The following FANCB variants were observed in gnomAD, a reference collection of about 807,000 sequenced individuals.
The protein encoded by FANCB is Fanconi anemia group B protein.
FANCB carries 5 observed loss-of-function variants against 38.9 expected under a neutral mutation model. That is an observed-to-expected ratio of 0.13 (90% CI 0.07 to 0.27). The LOEUF is 0.27. Ranked by LOEUF, FANCB falls within the 10% of genes least tolerant of loss-of-function variation. FANCB has a pLI of 1.00. For missense variants in FANCB, 573 were observed against 602.7 expected, an observed-to-expected ratio of 0.95 and a Z score of 0.52; for synonymous variants, 236 against 215.4, an observed-to-expected ratio of 1.10 and a Z score of -0.84.
the FANCB span, among the ~76,000 whole-genome samples, chrX:14,819,855 G>T: frequency 2.7e-5 from 3 of 111,380 alleles, no homozygotes; most frequent in Non-Finnish European, 5.7e-5. Flanking sequence ...TACCCGGATT[G>T]TTGCAGTAGC....
chrX:14,801,696 T>G, the FANCB span, among the ~76,000 whole-genome samples: 2 of 110,969 alleles, frequency 1.8e-5, no homozygotes, highest in Non-Finnish European at 3.8e-5. Context: ...GATCGTGTTT[T>G]TCAAAGTTTG....
the FANCB span, among the ~76,000 whole-genome samples, chrX:14,751,489 G>A: frequency 8.9e-6 from 1 of 112,321 alleles, no homozygotes; most frequent in Non-Finnish European, 1.9e-5. Context: ...GGGAGATATT[G>A]CAAGGGAATA....
chrX:14,806,411 C>T, the FANCB span, among the ~76,000 whole-genome samples: 1 of 111,894 alleles, frequency 8.9e-6, no homozygotes, highest in Admixed American at 9.5e-5. Context: ...AAAATCTGTT[C>T]CAATGGCACT....
At chrX:14,786,893 T>A in the FANCB span, among the ~76,000 whole-genome samples, 3 of 111,737 alleles carry the variant, frequency 2.7e-5, no homozygotes, top group Non-Finnish European at 5.6e-5. Context: ...TAATAATATA[T>A]TTCATAGACC....
chrX:14,856,100 C>T (rs2092422096), intron 5 of FANCB, among the ~76,000 whole-genome samples: 1 of 112,048 alleles, frequency 8.9e-6, no homozygotes, highest in African/African-American at 3.2e-5. Context: ...AAAATATACA[C>T]TATTCTTTTT....
At chrX:14,735,592 T>C in the FANCB span, among the ~76,000 whole-genome samples, 1 of 112,078 alleles carries the variant, frequency 8.9e-6, no homozygotes, top group Non-Finnish European at 1.9e-5. Context: ...CTGCTGCCTG[T>C]TCCTTCCTCT....
chrX:14,798,191 C>G, the FANCB span, among the ~76,000 whole-genome samples: 1 of 107,750 alleles, frequency 9.3e-6, no homozygotes, highest in Non-Finnish European at 1.9e-5. Flanking sequence ...CTCTGTTGCT[C>G]AGGCTGGAAT....
At chrX:14,820,189 A>G in the FANCB span, among the ~76,000 whole-genome samples, 2 of 109,226 alleles carry the variant, frequency 1.8e-5, no homozygotes, top group Admixed American at 9.8e-5. Context: ...CTCTTTCTCT[A>G]TCTCCATCCC....
chrX:14,844,568 G>A lies in FANCB; in HGVS notation c.2100C>T (p.Phe700=), dbSNP rs769508299. The change falls in exon 9 of 10, where the codon TTC becomes TTT. Residue 700 remains phenylalanine (F), a synonymous_variant. Transcript: ENST00000650831. The part of the protein sequence containing the change: ...EVYFCERPGS[F]YGTLFTWKQR... ...GTTTCCAAGTGAAGAGTGTCCCATA[G>A]AAACTTCCCGGTCTTTCACAAAAGT... The A allele has an allele frequency of 4.1e-6, 5 of 1,209,739 alleles. No individual in the cohort carries two copies. The South Asian group carries it at 7.0e-5, about 17-fold the overall frequency.
the FANCB span, among the ~76,000 whole-genome samples, chrX:14,803,469 A>G: frequency 5.3e-5 from 6 of 112,766 alleles, no homozygotes; most frequent in African/African-American, 1.9e-4. Context: ...AGCAAATGCT[A>G]TTGCAGAATA....
At chrX:14,797,374 T>C in the FANCB span, among the ~76,000 whole-genome samples, 1 of 112,040 alleles carries the variant, frequency 8.9e-6, no homozygotes, top group Non-Finnish European at 1.9e-5. Context: ...GTCACTACCA[T>C]ATTCTCATGT....
the FANCB span, among the ~76,000 whole-genome samples, chrX:14,805,606 G>C: frequency 9.0e-6 from 1 of 111,607 alleles, no homozygotes; most frequent in African/African-American, 3.3e-5. Flanking sequence ...AACCCATTAG[G>C]GATGACCCAG....
At chrX:14,800,421 C>T in the FANCB span, among the ~76,000 whole-genome samples, 15 of 111,403 alleles carry the variant, frequency 1.3e-4, no homozygotes, top group African/African-American at 4.6e-4. Context: ...TGCCAGCAAC[C>T]GCCACAAGTT....
At chrX:14,841,526 C>T (rs1235692090), downstream of FANCB, among the ~76,000 whole-genome samples, 2 of 111,786 alleles carry the variant, frequency 1.8e-5, no homozygotes, top group Non-Finnish European at 3.8e-5. Context: ...AGGAGAGTCA[C>T]TTGTGTACTA....
At chrX:14,854,674 T>C (rs2092416216) in intron 5 of FANCB, among the ~76,000 whole-genome samples, 1 of 111,633 alleles carries the variant, frequency 9.0e-6, no homozygotes, top group Non-Finnish European at 1.9e-5. Context: ...TGTTCATTAT[T>C]GTGATCTCTA....
chrX:14,812,137 C>T, the FANCB span, among the ~76,000 whole-genome samples: 7 of 109,990 alleles, frequency 6.4e-5, no homozygotes, highest in Non-Finnish European at 1.3e-4. Context: ...ACACAACATA[C>T]CAGAATCTCT....
the FANCB span, among the ~76,000 whole-genome samples, chrX:14,754,853 A>T: frequency 9.0e-6 from 1 of 111,598 alleles, no homozygotes; most frequent in Non-Finnish European, 1.9e-5. Flanking sequence ...TGAAACCAGC[A>T]TTACCCTGTT....
chrX:14,741,033 T>G, the FANCB span, among the ~76,000 whole-genome samples: 1 of 111,409 alleles, frequency 9.0e-6, no homozygotes, highest in Admixed American at 9.6e-5. Context: ...GGAACCTGGT[T>G]CATTATTGTA....
At chrX:14,730,660 T>G in the FANCB span, 1 of 429,210 alleles carries the variant, frequency 2.3e-6, no homozygotes, top group Non-Finnish European at 4.1e-6. Context: ...ATATGGGTGA[T>G]GAAGAAAACT....
Sources: allele counts gnomAD v4.1 joint callset (sites outside exome capture counted in the v4.1 genomes callset), GRCh38; gene constraint gnomAD v4.1.1; transcripts MANE v1.5; gene names NCBI Gene and HGNC (gene_info 2026-07-23, HGNC 2026-07-21).